Variants in FAM13A observed in about 807,000 individuals in gnomAD.
The protein encoded by FAM13A is protein FAM13A.
A neutral mutation model predicts 129.6 loss-of-function variants in FAM13A; 76 were observed. The ratio of observed to expected loss-of-function variants is 0.59; its 90% CI spans 0.49 to 0.71. The LOEUF (loss-of-function observed/expected upper bound fraction) is 0.71. FAM13A is among the 30% of genes least tolerant of loss of function. The pLI is 0.00. For missense variants in FAM13A, 1,108 were observed against 1,249.3 expected, an observed-to-expected ratio of 0.89 and a Z score of 1.70; for synonymous variants, 443 against 449.9, an observed-to-expected ratio of 0.98 and a Z score of 0.20.
intron 6 of FAM13A, among the ~76,000 whole-genome samples, chr4:88,900,883 G>C (rs1409198813): frequency 3.3e-5 from 5 of 152,126 alleles, no homozygotes; most frequent in Non-Finnish European, 7.4e-5. Flanking sequence ...CCATCAGTAT[G>C]CTGTCTTCAA....
intron 4 of FAM13A, among the ~76,000 whole-genome samples, chr4:88,968,704 TC>T (rs1579548000): frequency 6.6e-6 from 1 of 152,188 alleles, no homozygotes; most frequent in Non-Finnish European, 1.5e-5. Context: ...TACTTCATGT[TC>T]CTGCCCTGTT....
rs1237595679 is a variant in FAM13A, at chr4:88,884,424, C to CA, written c.843+21954dup. Among the ~76,000 whole-genome samples the CA allele has an allele frequency of 2.6e-5, 4 of 152,022 alleles. 1 individual carries two copies. Among genetic ancestry groups the CA allele is most frequent in the Non-Finnish European group, 5.9e-5 (4 of 67,972 alleles). On this transcript the variant is annotated intron_variant, in intron 6 of 23. Coordinates refer to ENST00000264344, the MANE Select transcript of FAM13A (RefSeq NM_014883.4). ...TCACATGATCAGCTCAATAGAGGCA[C>CA]AAAAAGTATTTGACAAAATCCATCA...
At chr4:89,023,058 G>A (rs1047426688) in intron 2 of FAM13A, among the ~76,000 whole-genome samples, 1 of 152,154 alleles carries the variant, frequency 6.6e-6, no homozygotes, top group African/African-American at 2.4e-5. Flanking sequence ...ATGAGATAAT[G>A]ATAAATACTA....
chr4:88,840,752 T>C (rs1017588572), intron 7 of FAM13A, among the ~76,000 whole-genome samples: 2 of 152,062 alleles, frequency 1.3e-5, no homozygotes, highest in Admixed American at 1.3e-4. Flanking sequence ...CATGCTCATA[T>C]CTCTATTGAA....
chr4:88,894,406 T>C (rs143562421), intron 6 of FAM13A, among the ~76,000 whole-genome samples: 18 of 152,312 alleles, frequency 1.2e-4, no homozygotes, highest in African/African-American at 4.1e-4. Flanking sequence ...CAACACACTA[T>C]GTACTATTTT....
At chr4:88,955,439 T>C (rs1757600786) in intron 4 of FAM13A, among the ~76,000 whole-genome samples, 1 of 152,160 alleles carries the variant, frequency 6.6e-6, no homozygotes, top group African/African-American at 2.4e-5. Flanking sequence ...CAGTCTCGGG[T>C]ATGTCTTTAT....
intron 11 of FAM13A, 50 bp downstream of exon 11, chr4:88,781,115 G>C (rs1361891484): frequency 8.0e-7 from 1 of 1,250,258 alleles, no homozygotes; most frequent in Non-Finnish European, 1.1e-6. Context: ...GCAAAGAAAA[G>C]AGATGTAATA....
rs1722912501 is a variant in FAM13A, at chr4:88,781,774, A to C, written c.1272-423T>G. 4.0e-5 allele frequency among the ~76,000 whole-genome samples: 6 copies of C among 151,742 alleles called. No individual in the cohort carries two copies. In the South Asian group the frequency reaches 1.2e-3, roughly 32 times the overall value. On this transcript the variant is annotated intron_variant, in intron 10 of 23. Transcript: ENST00000264344. ...GTATCTTCCATTTTAGTAGTGTAGA[A>C]ATGTGTATTGAACAATGAGAACACA...
intron 8 of FAM13A, among the ~76,000 whole-genome samples, chr4:88,794,080 C>T (rs144755882): frequency 0.011 from 1,628 of 152,016 alleles, 19 homozygotes; most frequent in Middle Eastern, 0.065. Context: ...CTTCGGAGAG[C>T]TAAGAATAAT....
chr4:88,781,586 T>C (rs1001020638), intron 10 of FAM13A, among the ~76,000 whole-genome samples: 4 of 152,084 alleles, frequency 2.6e-5, no homozygotes, highest in Non-Finnish European at 4.4e-5. Context: ...TTTCTACCAA[T>C]GGACAGCTTT....
At chr4:89,018,876 G>A (rs1022122498) in intron 3 of FAM13A, among the ~76,000 whole-genome samples, 1 of 152,256 alleles carries the variant, frequency 6.6e-6, no homozygotes, top group African/African-American at 2.4e-5. Flanking sequence ...GCAGGGCTCT[G>A]CCTTGTGACT....
intron 5 of FAM13A, among the ~76,000 whole-genome samples, chr4:88,908,099 T>C (rs1330553092): frequency 1.3e-5 from 2 of 152,344 alleles, no homozygotes; most frequent in East Asian, 1.9e-4. Flanking sequence ...TGGCCTCACA[T>C]AGCCCTTATG....
intron 9 of FAM13A, among the ~76,000 whole-genome samples, chr4:88,789,437 AC>A (rs1437440110): frequency 1.3e-5 from 2 of 151,922 alleles, no homozygotes; most frequent in African/African-American, 4.8e-5. Context: ...CACCACATCT[AC>A]CCCACCTCCT....
intron 13 of FAM13A, among the ~76,000 whole-genome samples, chr4:88,765,867 G>A (rs1052550182): frequency 1.6e-4 from 25 of 152,212 alleles, no homozygotes; most frequent in African/African-American, 6.0e-4. Context: ...AGCAGTGCCA[G>A]CAGTGGCACT....
At chr4:88,795,314 GA>G (rs1725937274) in intron 8 of FAM13A, among the ~76,000 whole-genome samples, 1 of 151,654 alleles carries the variant, frequency 6.6e-6, no homozygotes, top group African/African-American at 2.4e-5. Context: ...CTGATTTGAA[GA>G]AAAAATTACT....
rs1742352397 is a variant in FAM13A at position 88,750,546 on chromosome 4, C to T, written c.1818G>A (p.Gln606=). 6.2e-7 allele frequency: 1 copy of T among 1,614,188 alleles called. No homozygotes were observed. The highest frequency in any genetic ancestry group is 8.5e-7 in the Non-Finnish European group (1 of 1,180,026). Residue 606 remains glutamine, a synonymous_variant, in exon 15 of 24, where the codon CAG becomes CAA. Coordinates refer to ENST00000264344, the MANE Select transcript of FAM13A (RefSeq NM_014883.4). ...LSPQAGRLIR[Q]LLDEDSDPML... ...TGGGGTCGCTGTCTTCGTCCAGCAG[C>T]TGACGGATCAGGCGCCCAGCCTGCG...
At chr4:88,928,406 A>G (rs1172895779) in intron 5 of FAM13A, among the ~76,000 whole-genome samples, 2 of 152,100 alleles carry the variant, frequency 1.3e-5, no homozygotes, top group African/African-American at 4.8e-5. Context: ...TTCTGTCTCA[A>G]TGATCTGTCT....
chr4:88,843,398 C>G (rs148856403), intron 7 of FAM13A, among the ~76,000 whole-genome samples: 1 of 152,296 alleles, frequency 6.6e-6, no homozygotes, highest in East Asian at 1.9e-4. Flanking sequence ...ATCTAAGAAT[C>G]CTTGCTTCAT....
chr4:88,749,611 CTG>C (rs1742122241), intron 16 of FAM13A, among the ~76,000 whole-genome samples, 158 bp downstream of exon 16: 1 of 151,546 alleles, frequency 6.6e-6, no homozygotes, highest in Non-Finnish European at 1.5e-5. Flanking sequence ...TACATAATGA[CTG>C]GGGTTTATCA....
Sources: allele counts gnomAD v4.1 joint callset (sites outside exome capture counted in the v4.1 genomes callset), GRCh38; gene constraint gnomAD v4.1.1; transcripts MANE v1.5; gene names NCBI Gene and HGNC (gene_info 2026-07-23, HGNC 2026-07-21).